KCNC4: variants seen among roughly 807,000 people sequenced by gnomAD.
The protein encoded by KCNC4 is potassium voltage-gated channel subfamily C member 4.
A neutral mutation model predicts 42.8 loss-of-function variants in KCNC4; 23 were observed. The ratio of observed to expected loss-of-function variants is 0.54; its 90% confidence interval spans 0.39 to 0.76. KCNC4 has a LOEUF of 0.76. Among genes scored for constraint, KCNC4 ranks in the 30% least tolerant of loss-of-function variants. KCNC4 has a pLI of 0.00. For synonymous variants in KCNC4, 422 were observed against 393.5 expected, an observed-to-expected ratio of 1.07 and a Z score of -0.86; for missense variants, 751 against 898.2, an observed-to-expected ratio of 0.84 and a Z score of 2.10.
At chr1:110,215,304 C>A (rs1030845864) in intron 1 of KCNC4, among the ~76,000 whole-genome samples, 1 of 152,210 alleles carries the variant, frequency 6.6e-6, no homozygotes, top group African/African-American at 2.4e-5. Context: ...GCTGTGGTTC[C>A]GTTTCTGTGG....
intron 1 of KCNC4, among the ~76,000 whole-genome samples, chr1:110,257,886 C>T (rs1659364793): frequency 6.6e-6 from 1 of 152,140 alleles, no homozygotes; most frequent in African/African-American, 2.4e-5. Context: ...GTGTGTTAGC[C>T]ATCACATCCA....
chr1:110,268,623 AAAAAG>A (rs1659586568), intron 1 of KCNC4, among the ~76,000 whole-genome samples: 8 of 148,812 alleles, frequency 5.4e-5, no homozygotes, highest in South Asian at 2.1e-4. Flanking sequence ...AAAAAAAAAA[AAAAAG>A]AAAAGAAAAG....
At chr1:110,270,625 A>G (rs1570584074) in intron 1 of KCNC4, among the ~76,000 whole-genome samples, 1 of 152,102 alleles carries the variant, frequency 6.6e-6, no homozygotes, top group Non-Finnish European at 1.5e-5. Flanking sequence ...ATGACCTTCA[A>G]GAAAGGAACA....
chr1:110,276,510 C>A (rs1241247534), intron 1 of KCNC4, among the ~76,000 whole-genome samples: 1 of 151,946 alleles, frequency 6.6e-6, no homozygotes, highest in Non-Finnish European at 1.5e-5. Flanking sequence ...CTTGGCAGGA[C>A]TTTTTCTGGA....
rs1010479208 is a variant in KCNC4 at position 110,260,793 on chromosome 1, G to A, written n.31-21741G>A. Among the ~76,000 whole-genome samples, 10 of 152,184 alleles carry A rather than the reference G, an allele frequency of 6.6e-5. 1 individual carries two copies. The highest frequency in any genetic ancestry group is 1.0e-4 in the Non-Finnish European group (7 of 68,020). ...AAAATACAAAAAATTAGCCGGGCAC[G>A]GAGACGTGCGCTTGTAGTCCCAGCT... is the stretch of plus-strand genomic sequence containing the variant. On this transcript the variant is annotated intron_variant and non_coding_transcript_variant, in intron 1 of 2. Coordinates refer to the KCNC4 transcript ENST00000412512.
chr1:110,257,589 C>T (rs1465056126), intron 1 of KCNC4, among the ~76,000 whole-genome samples: 2 of 151,730 alleles, frequency 1.3e-5, no homozygotes, highest in Non-Finnish European at 1.5e-5. Flanking sequence ...GGCAAGGTGG[C>T]GGGCGCCTGT....
At chr1:110,229,099 CTG>C (rs1658562706) in intron 3 of KCNC4, 3 of 152,394 alleles carry the variant, frequency 2.0e-5, no homozygotes, top group Middle Eastern at 3.4e-3. Flanking sequence ...TCTTTAATCA[CTG>C]TGAATGTATT....
At chr1:110,227,954 A>T (rs1571049320) in intron 3 of KCNC4, among the ~76,000 whole-genome samples, 1 of 152,068 alleles carries the variant, frequency 6.6e-6, no homozygotes, top group Non-Finnish European at 1.5e-5. Context: ...TGTTTTCAAG[A>T]TGCCTCCACA....
At chr1:110,214,867 C>T (rs1242397472) in intron 1 of KCNC4, among the ~76,000 whole-genome samples, 1 of 152,226 alleles carries the variant, frequency 6.6e-6, no homozygotes, top group Non-Finnish European at 1.5e-5. Flanking sequence ...CTGTATTACC[C>T]CTCCAGGCCT....
intron 1 of KCNC4, among the ~76,000 whole-genome samples, chr1:110,213,547 G>A (rs1657622149): frequency 6.6e-6 from 1 of 152,230 alleles, no homozygotes; most frequent in African/African-American, 2.4e-5. Flanking sequence ...TCTTCTGCCT[G>A]GAAGAGAAGG....
At chr1:110,256,365 G>A (rs1042562896) in intron 1 of KCNC4, among the ~76,000 whole-genome samples, 1 of 152,198 alleles carries the variant, frequency 6.6e-6, no homozygotes, top group African/African-American at 2.4e-5. Flanking sequence ...GAATCTGTTA[G>A]AGAATATTTA....
At chr1:110,268,294 C>A (rs1394703630) in intron 1 of KCNC4, among the ~76,000 whole-genome samples, 1 of 152,236 alleles carries the variant, frequency 6.6e-6, no homozygotes, top group Non-Finnish European at 1.5e-5. Flanking sequence ...AGCCCCCTGG[C>A]TGCCAGAGTG....
chr1:110,280,241 G>A (rs1175413721), intron 1 of KCNC4, among the ~76,000 whole-genome samples: 2 of 152,088 alleles, frequency 1.3e-5, no homozygotes, highest in Admixed American at 6.5e-5. Context: ...GCTAGAGGGC[G>A]ACTAAGTTCA....
chr1:110,273,085 G>A (rs1020742964), intron 1 of KCNC4, among the ~76,000 whole-genome samples: 4 of 152,208 alleles, frequency 2.6e-5, no homozygotes, highest in African/African-American at 9.6e-5. Flanking sequence ...AAGGAGGAAA[G>A]CTTCACCTCT....
intron 1 of KCNC4, among the ~76,000 whole-genome samples, chr1:110,258,126 C>T: frequency 6.6e-6 from 1 of 152,152 alleles, no homozygotes; most frequent in Non-Finnish European, 1.5e-5. Flanking sequence ...TTGGGAGCAA[C>T]CAGAAATTTC....
Position 110,211,902 on chromosome 1 carries a change from A to G in KCNC4, c.403A>G (p.Ile135Val). ...LFEEELTFWG[I>V]DETDVEPCCW... ...CGAAGAGGAGCTCACCTTCTGGGGC[A>G]TCGACGAGACCGACGTGGAACCCTG... Residue 135 changes from isoleucine to valine, a missense_variant, in exon 1 of 4, where the codon ATC (isoleucine) becomes GTC (valine). Coordinates refer to ENST00000438661, the MANE Select transcript of KCNC4 (RefSeq NM_001039574.3). The surrounding 1 kb of genome is among the most constrained non-coding windows in gnomAD (Gnocchi z 6.5). The G allele has an allele frequency of 1.2e-6, 2 of 1,611,654 alleles. No homozygotes were observed. Among genetic ancestry groups the G allele is most frequent in the Non-Finnish European group, 1.7e-6 (2 of 1,179,802 alleles).
At chr1:110,242,324 T>C (rs2101056544) in exon 4 of KCNC4, 1 of 152,388 alleles carries the variant, frequency 6.6e-6, no homozygotes, top group African/African-American at 2.4e-5. Context: ...AGTGGTGTTC[T>C]GTGAGCCTCC....
At chr1:110,231,002 G>A (rs2101038723) in intron 3 of KCNC4, among the ~76,000 whole-genome samples, 1 of 152,370 alleles carries the variant, frequency 6.6e-6, no homozygotes, top group East Asian at 1.9e-4. Context: ...ACTTGGACCT[G>A]CACCCACTAC....
At chr1:110,258,497 A>G (rs1557872389) in intron 1 of KCNC4, among the ~76,000 whole-genome samples, 1 of 151,952 alleles carries the variant, frequency 6.6e-6, no homozygotes, top group Non-Finnish European at 1.5e-5. Context: ...CAGCCTCCCA[A>G]AGTGCTGGGA....
Sources: gnomAD v4.1 joint callset for allele counts (sites outside exome capture counted in the v4.1 genomes callset) on GRCh38, gnomAD v4.1.1 for gene constraint, Gnocchi (gnomAD v3.1) non-coding constraint, MANE v1.5 for transcripts, NCBI Gene and HGNC (gene_info 2026-07-23, HGNC 2026-07-21) for gene names.